The following COMMD10 variants were observed in gnomAD, a reference collection of about 807,000 sequenced individuals.
The protein encoded by COMMD10 is COMM domain containing 10.
Under a neutral mutation model 28.9 loss-of-function variants are expected in COMMD10, and 33 were observed. The ratio of observed to expected loss-of-function variants is 1.14; its 90% CI spans 0.87 to 1.53. COMMD10 has a LOEUF of 1.53. Ranked by LOEUF, COMMD10 falls within the 40% of genes most tolerant of loss-of-function variation. COMMD10 has a pLI of 0.00. For synonymous variants in COMMD10, 110 were observed against 81.7 expected (o/e 1.35, Z -1.87); for missense variants, 310 against 233.4 (o/e 1.33, Z -2.14).
At chr5:116,277,447 C>T (rs974139417) in intron 5 of COMMD10, among the ~76,000 whole-genome samples, 6 of 151,816 alleles carry the variant, frequency 4.0e-5, no homozygotes, top group African/African-American at 1.5e-4. Flanking sequence ...TTAAAATTTT[C>T]TTCTGGATAG....
intron 5 of COMMD10, among the ~76,000 whole-genome samples, chr5:116,162,401 A>G (rs536807298): frequency 1.3e-5 from 2 of 152,188 alleles, no homozygotes; most frequent in Non-Finnish European, 2.9e-5. Context: ...GATGAGTACA[A>G]TAATTTATAG....
intron 5 of COMMD10, among the ~76,000 whole-genome samples, chr5:116,247,390 A>G (rs1237677685): frequency 6.6e-6 from 1 of 152,100 alleles, no homozygotes; most frequent in Non-Finnish European, 1.5e-5. Flanking sequence ...TGCTTGAACC[A>G]TTGTGGAAGA....
intron 5 of COMMD10, among the ~76,000 whole-genome samples, chr5:116,175,687 G>A (rs973496423): frequency 1.3e-5 from 2 of 152,062 alleles, no homozygotes; most frequent in African/African-American, 4.8e-5. Flanking sequence ...GATATTATTC[G>A]GTCATAAAAA....
chr5:116,183,213 T>C (rs1254579235), intron 5 of COMMD10, among the ~76,000 whole-genome samples: 1 of 152,072 alleles, frequency 6.6e-6, no homozygotes, highest in Non-Finnish European at 1.5e-5. Context: ...ATATCTAACA[T>C]TATATTGAGT....
chr5:116,264,389 C>T (rs927061437), intron 5 of COMMD10, among the ~76,000 whole-genome samples: 1 of 151,840 alleles, frequency 6.6e-6, no homozygotes, highest in African/African-American at 2.4e-5. Context: ...AACTTAGCAT[C>T]AGGATATCCC....
rs3072964 is a variant in COMMD10 at position 116,140,231 on chromosome 5, A to ATGTGTGTGTGTGTGTGTGTG, written c.510+6059_510+6078dup. On this transcript the variant is annotated intron_variant, in intron 5 of 6. Transcript: ENST00000274458. ...TTTTTCAAGGCTGACTCATACTACT[A>ATGTGTGTGTGTGTGTGTGTG]TGTGTGTGTGTGTGTGTGTGTGTGT... is the stretch of plus-strand genomic sequence containing the variant. 8.6e-3 allele frequency among the ~76,000 whole-genome samples: 1,264 copies of ATGTGTGTGTGTGTGTGTGTG among 147,062 alleles called. 25 individuals are homozygous for ATGTGTGTGTGTGTGTGTGTG. The highest frequency in any genetic ancestry group is 0.028 in the African/African-American group (1,098 of 39,716).
At chr5:116,130,680 C>T (rs2416429) in intron 4 of COMMD10, among the ~76,000 whole-genome samples, 124,216 of 151,782 alleles carry the variant, frequency 0.82, 50,986 homozygotes, top group African/African-American at 0.84. Flanking sequence ...ATTTAAGTGG[C>T]GACTCTAATT....
chr5:116,284,747 C>G (rs1219769305), intron 5 of COMMD10, among the ~76,000 whole-genome samples: 1 of 151,808 alleles, frequency 6.6e-6, no homozygotes, highest in Middle Eastern at 3.2e-3. Context: ...TTTATTTTCT[C>G]TTTTTCTTCC....
chr5:116,115,182 A>T (rs1428625289), intron 4 of COMMD10, among the ~76,000 whole-genome samples: 2 of 152,088 alleles, frequency 1.3e-5, no homozygotes, highest in African/African-American at 4.8e-5. Flanking sequence ...CAGTTCCTTT[A>T]TACAGTCTCC....
chr5:116,113,378 A>G (rs10068479), intron 4 of COMMD10, among the ~76,000 whole-genome samples: 77,916 of 134,138 alleles, frequency 0.58, 24,554 homozygotes, highest in Non-Finnish European at 0.71. Context: ...GAGTTTTTCA[A>G]TCTATTATTT....
At chr5:116,280,583 A>T (rs1285217555) in intron 5 of COMMD10, among the ~76,000 whole-genome samples, 2 of 151,700 alleles carry the variant, frequency 1.3e-5, no homozygotes, top group African/African-American at 2.4e-5. Flanking sequence ...TATCATGAGC[A>T]CTTTTCTCGG....
intron 5 of COMMD10, among the ~76,000 whole-genome samples, chr5:116,172,858 A>C (rs1459294994): frequency 6.6e-6 from 1 of 152,124 alleles, no homozygotes; most frequent in African/African-American, 2.4e-5. Context: ...AATACGATGA[A>C]ATTTCAGTGT....
At chr5:116,266,732 A>G (rs1489300576) in intron 5 of COMMD10, among the ~76,000 whole-genome samples, 2 of 151,868 alleles carry the variant, frequency 1.3e-5, no homozygotes, top group East Asian at 3.8e-4. Context: ...GCAGCACATC[A>G]AAAAGCTTAA....
At chr5:116,126,031 A>G (rs2112759638) in intron 4 of COMMD10, among the ~76,000 whole-genome samples, 2 of 152,314 alleles carry the variant, frequency 1.3e-5, no homozygotes, top group Admixed American at 1.3e-4. Flanking sequence ...AGAAAACCCC[A>G]TTGTCTCAGC....
intron 5 of COMMD10, among the ~76,000 whole-genome samples, chr5:116,147,496 C>G (rs1238870098): frequency 6.6e-6 from 1 of 151,736 alleles, no homozygotes; most frequent in African/African-American, 2.4e-5. Context: ...AAAAATATAT[C>G]ATATTTTAAG....
chr5:116,210,380 TTA>T (rs1286493328), intron 5 of COMMD10, among the ~76,000 whole-genome samples: 2 of 151,750 alleles, frequency 1.3e-5, no homozygotes, highest in Non-Finnish European at 2.9e-5. Flanking sequence ...ACTTATGTGT[TTA>T]TATGTGTGTT....
intron 5 of COMMD10, among the ~76,000 whole-genome samples, chr5:116,280,463 A>C (rs1418343047): frequency 6.6e-6 from 1 of 151,800 alleles, no homozygotes; most frequent in African/African-American, 2.4e-5. Flanking sequence ...TGCCCCACGT[A>C]CAGTTCTTCC....
chr5:116,250,372 G>A (rs763410851), intron 5 of COMMD10, among the ~76,000 whole-genome samples: 46 of 151,482 alleles, frequency 3.0e-4, no homozygotes, highest in East Asian at 7.8e-4. Flanking sequence ...ATGCTGTGGC[G>A]TTTTTATTTG....
intron 5 of COMMD10, among the ~76,000 whole-genome samples, chr5:116,166,162 G>GATAGTA (rs3072987): frequency 0.53 from 80,900 of 151,966 alleles, 23,240 homozygotes; most frequent in Non-Finnish European, 0.65. Flanking sequence ...GTCAAATGGC[G>GATAGTA]ATAGTTGTTC....
Sources: gnomAD v4.1 joint callset for allele counts (sites outside exome capture counted in the v4.1 genomes callset) on GRCh38, gnomAD v4.1.1 for gene constraint, MANE v1.5 for transcripts, NCBI Gene and HGNC (gene_info 2026-07-23, HGNC 2026-07-21) for gene names.